KDM4B: variants seen among roughly 807,000 people sequenced by gnomAD.
The protein encoded by KDM4B is lysine demethylase 4B.
KDM4B carries 32 observed loss-of-function variants against 125.2 expected under a neutral mutation model. The observed-to-expected ratio is 0.26, with a 90% CI of 0.19 to 0.34. The LOEUF is 0.34. KDM4B is among the 10% of genes least tolerant of loss of function. KDM4B has a pLI of 1.00. For missense variants in KDM4B, 1,190 were observed against 1,577.7 expected, an observed-to-expected ratio of 0.75 and a Z score of 4.16; for synonymous variants, 721 against 677.9, an observed-to-expected ratio of 1.06 and a Z score of -0.99.
chr19:5,015,507 C>T (rs1225046851), intron 1 of KDM4B, among the ~76,000 whole-genome samples: 2 of 152,120 alleles, frequency 1.3e-5, no homozygotes, highest in African/African-American at 2.4e-5. Context: ...CTGCCTCGGC[C>T]TCCCAAAGTG....
At position 5,062,296 on chromosome 19, in the gene KDM4B, C is replaced by T. The variant is rs1000416585; in HGVS notation, c.627-8714C>T. ...CAGGCACTTTTTCTAACATCTTTAT[C>T]TCTCCAGACTGACCTGTGGGGCAGC... On this transcript the variant is annotated intron_variant, in intron 6 of 22. Transcript: ENST00000159111. 3.3e-4 allele frequency among the ~76,000 whole-genome samples: 50 copies of T among 152,244 alleles called. 3 individuals carry two copies.
intron 9 of KDM4B, among the ~76,000 whole-genome samples, chr19:5,086,404 C>T (rs1462158289): frequency 6.6e-6 from 1 of 152,154 alleles, no homozygotes; most frequent in Non-Finnish European, 1.5e-5. Flanking sequence ...GGGAGGAGGG[C>T]AATTAAAAGG....
chr19:5,022,900 A>G (rs1795184637), intron 2 of KDM4B, among the ~76,000 whole-genome samples: 1 of 151,906 alleles, frequency 6.6e-6, no homozygotes, highest in Non-Finnish European at 1.5e-5. Flanking sequence ...TTATGGGTAC[A>G]AGGTATGCTT....
At position 5,082,290 on chromosome 19, in the gene KDM4B, G is replaced by T. The variant is rs2038323322; in HGVS notation, c.781-77G>T. 2 of 1,566,104 alleles carry T rather than the reference G, an allele frequency of 1.3e-6. No homozygotes were observed. The highest frequency in any genetic ancestry group is 1.7e-5 in the Admixed American group (1 of 57,288). Reference sequence around the variant, plus strand: ...TCATAAGCCAGGCTCCCTGGCACTTGCTGGGAAGTGCCCACGTCCCATCCC... The same window carrying T: ...TCATAAGCCAGGCTCCCTGGCACTTTCTGGGAAGTGCCCACGTCCCATCCC... On this transcript the variant is annotated intron_variant, in intron 8 of 22. Coordinates refer to ENST00000159111, the MANE Select transcript of KDM4B (RefSeq NM_015015.3). The surrounding 1 kb of genome is among the most constrained non-coding windows in gnomAD (Gnocchi z 5.4).
intron 2 of KDM4B, among the ~76,000 whole-genome samples, chr19:5,021,636 GT>G (rs397859195): frequency 0.059 from 7,437 of 126,190 alleles, 512 homozygotes; most frequent in African/African-American, 0.19. Context: ...CCTGGCACAG[GT>G]TTTTTTTTTT....
Position 5,044,989 on chromosome 19 carries a change from C to T in KDM4B, c.433-2487C>T, listed in dbSNP as rs1157874186. On this transcript the variant is annotated intron_variant, in intron 5 of 22. Coordinates refer to ENST00000159111, the MANE Select transcript of KDM4B (RefSeq NM_015015.3). ...CCGGGTGCACCACAGTGTGCCTGCT[C>T]ATTCACCTATTAAAGGACCCTTCCA... Among the ~76,000 whole-genome samples the T allele has an allele frequency of 2.0e-5, 3 of 152,222 alleles. No homozygotes were observed. The East Asian group carries it at 5.8e-4, about 29-fold the overall frequency.
intron 2 of KDM4B, among the ~76,000 whole-genome samples, chr19:5,025,794 G>A (rs1029909839): frequency 2.0e-5 from 3 of 152,142 alleles, no homozygotes; most frequent in East Asian, 1.9e-4. Flanking sequence ...ACTTCCAGAC[G>A]CAGCCCCGCT....
intron 1 of KDM4B, among the ~76,000 whole-genome samples, chr19:4,978,191 G>A (rs989912677): frequency 1.3e-5 from 2 of 152,018 alleles, no homozygotes; most frequent in Admixed American, 1.3e-4. Context: ...GGAGGAAGTC[G>A]TTCTCTTGAC....
chr19:5,093,638 C>T (rs1568294140), intron 9 of KDM4B, among the ~76,000 whole-genome samples: 4 of 152,238 alleles, frequency 2.6e-5, no homozygotes, highest in African/African-American at 7.2e-5. Flanking sequence ...GCCCCTTCCT[C>T]GGTGTTTAAC....
chr19:5,113,917 A>C (rs1478029658), intron 10 of KDM4B: 6 of 1,209,132 alleles, frequency 5.0e-6, no homozygotes, highest in East Asian at 5.7e-5. Flanking sequence ...GGTTCGGCAC[A>C]GCTGCCTGAG....
chr19:5,111,820 A>C (rs1380858702), intron 10 of KDM4B: 2 of 765,048 alleles, frequency 2.6e-6, no homozygotes. Context: ...ATGGCAACTC[A>C]AGACCCTTGC....
chr19:5,042,558 G>C (rs1336872042), intron 5 of KDM4B, among the ~76,000 whole-genome samples: 2 of 151,908 alleles, frequency 1.3e-5, no homozygotes, highest in Non-Finnish European at 2.9e-5. Flanking sequence ...ATAAAGAAAA[G>C]GTTTAATTGG....
At chr19:4,978,851 T>C (rs1007215825) in intron 1 of KDM4B, among the ~76,000 whole-genome samples, 6 of 152,226 alleles carry the variant, frequency 3.9e-5, no homozygotes, top group Non-Finnish European at 5.9e-5. Context: ...TGGGTCCCTC[T>C]GAGTGGGTTT....
At chr19:5,107,983 C>T (rs1028709612) in intron 9 of KDM4B, among the ~76,000 whole-genome samples, 1 of 152,232 alleles carries the variant, frequency 6.6e-6, no homozygotes, top group Non-Finnish European at 1.5e-5. Context: ...CCTTCCAGTC[C>T]AGCCGTGGGC....
chr19:4,986,486 G>A (rs556647308), intron 1 of KDM4B, among the ~76,000 whole-genome samples: 132 of 152,298 alleles, frequency 8.7e-4, no homozygotes, highest in African/African-American at 3.0e-3. Context: ...AGAAGACAGC[G>A]AAGGCACCTG....
chr19:5,138,964 C>T (rs999247944), intron 18 of KDM4B, among the ~76,000 whole-genome samples: 1 of 152,180 alleles, frequency 6.6e-6, no homozygotes, highest in African/African-American at 2.4e-5. Flanking sequence ...ACTCTGTTAC[C>T]CAGGCTGGAG....
intron 1 of KDM4B, among the ~76,000 whole-genome samples, chr19:5,001,441 G>A (rs912756725): frequency 6.6e-6 from 1 of 152,218 alleles, no homozygotes; most frequent in Non-Finnish European, 1.5e-5. Flanking sequence ...CAGCTGCGTA[G>A]TGTTCCTTGC....
At chr19:5,108,165 C>T (rs1380097174) in intron 9 of KDM4B, among the ~76,000 whole-genome samples, 1 of 152,228 alleles carries the variant, frequency 6.6e-6, no homozygotes, top group Non-Finnish European at 1.5e-5. Flanking sequence ...CACACAGGTG[C>T]TTTTTTTAAT....
intron 9 of KDM4B, among the ~76,000 whole-genome samples, chr19:5,097,956 G>T (rs1458049908): frequency 6.6e-6 from 1 of 152,222 alleles, no homozygotes; most frequent in Non-Finnish European, 1.5e-5. Context: ...AGGCATGGGG[G>T]GCGCAAATGT....
Sources: gnomAD v4.1 joint callset for allele counts (sites outside exome capture counted in the v4.1 genomes callset) on GRCh38, gnomAD v4.1.1 for gene constraint, Gnocchi (gnomAD v3.1) non-coding constraint, MANE v1.5 for transcripts, NCBI Gene and HGNC (gene_info 2026-07-23, HGNC 2026-07-21) for gene names.